Variants in C7 observed in about 807,000 individuals in gnomAD.
C7 encodes the protein complement component C7.
In C7, 83 loss-of-function variants were observed where a neutral mutation model predicts 104.8. That is an observed-to-expected ratio of 0.79 (90% CI 0.66 to 0.95). The LOEUF is 0.95. C7 is among the 40% of genes least tolerant of loss of function. C7 has a pLI of 0.00. For missense variants in C7, 1,070 were observed against 1,011.2 expected, an observed-to-expected ratio of 1.06 and a Z score of -0.79; for synonymous variants, 415 against 360.6, an observed-to-expected ratio of 1.15 and a Z score of -1.71.
chr5:40,971,610 T>C (rs1177114778), intron 14 of C7, among the ~76,000 whole-genome samples: 2 of 152,152 alleles, frequency 1.3e-5, no homozygotes, highest in Non-Finnish European at 2.9e-5. Flanking sequence ...ATTTGTCAAT[T>C]TTGGTTTTTG....
At chr5:40,963,029 C>A (rs142230965) in intron 13 of C7, among the ~76,000 whole-genome samples, 2 of 152,104 alleles carry the variant, frequency 1.3e-5, no homozygotes, top group Non-Finnish European at 2.9e-5. Context: ...TCTCTACCAC[C>A]CATTCTGTCC....
intron 1 of C7, among the ~76,000 whole-genome samples, chr5:40,915,501 G>C (rs1286427694): frequency 3.3e-5 from 5 of 152,192 alleles, no homozygotes; most frequent in Non-Finnish European, 1.5e-5. Context: ...GACTAGTAAA[G>C]CTGTGAGATA....
intron 7 of C7, among the ~76,000 whole-genome samples, chr5:40,946,935 G>A (rs1740061011): frequency 6.6e-6 from 1 of 151,614 alleles, no homozygotes; most frequent in African/African-American, 2.4e-5. Context: ...GTGCATGCCT[G>A]TAATCCCAGC....
chr5:40,938,079 A>T (rs1177579088), intron 6 of C7, among the ~76,000 whole-genome samples: 1 of 152,106 alleles, frequency 6.6e-6, no homozygotes, highest in Non-Finnish European at 1.5e-5. Flanking sequence ...GAACTATTTC[A>T]TATATACAAA....
chr5:40,960,668 T>G (rs954347487), intron 12 of C7, among the ~76,000 whole-genome samples: 34 of 152,250 alleles, frequency 2.2e-4, no homozygotes, highest in African/African-American at 7.7e-4. Context: ...AGGGGAAGTA[T>G]CATCTTTCTC....
chr5:40,914,043 G>T lies in C7; in HGVS notation c.6+4427G>T, dbSNP rs10072532. Among the ~76,000 whole-genome samples the T allele has an allele frequency of 7.4e-3, 1,130 of 152,130 alleles. 18 individuals are homozygous for T. The highest frequency in any genetic ancestry group is 0.026 in the African/African-American group (1,085 of 41,514). ...AGAGTCTTACTATGTTGCCTAGGCT[G>T]GTCTCAAACTTCTGGCTTCAAGCAA... On this transcript the variant is annotated intron_variant, in intron 1 of 17. Coordinates refer to ENST00000313164, the MANE Select transcript of C7 (RefSeq NM_000587.4).
At chr5:40,972,121 A>G in intron 14 of C7, 5 of 527,590 alleles carry the variant, frequency 9.5e-6, no homozygotes, top group South Asian at 8.5e-5. Context: ...TAGGCTGGGC[A>G]TTAGGACTCT....
intron 8 of C7, among the ~76,000 whole-genome samples, chr5:40,949,176 T>C (rs1214309202): frequency 2.0e-5 from 3 of 152,116 alleles, no homozygotes; most frequent in Non-Finnish European, 4.4e-5. Flanking sequence ...AATTTTACTC[T>C]TGAGCAGTTT....
intron 1 of C7, among the ~76,000 whole-genome samples, chr5:40,915,135 G>T (rs1025198727): frequency 1.3e-5 from 2 of 152,192 alleles, no homozygotes; most frequent in African/African-American, 4.8e-5. Flanking sequence ...AGAGTAGTAG[G>T]AAGACGTCCA....
At position 40,979,828 on chromosome 5, in the gene C7, C is replaced by T. The variant is rs1740903580; in HGVS notation, c.2269C>T (p.Leu757Phe). The stretch of plus-strand genomic sequence containing the variant: ...CCACTGTCAGGGTAGAAATTACACC[C>T]TTACTGGTAGGGACAGCTGTACTCT... ...VLHCQGRNYT[L>F]TGRDSCTLPA... The change falls in exon 17 of 18, where the codon CTT (leucine) becomes TTT (phenylalanine). Residue 757 changes from leucine (L) to phenylalanine (F), a missense_variant. Leu to Phe is a conservative substitution (Grantham distance 22). Coordinates refer to ENST00000313164, the MANE Select transcript of C7 (RefSeq NM_000587.4). 1 of 1,613,490 alleles carries T rather than the reference C, an allele frequency of 6.2e-7. No individual in the cohort carries two copies. Among genetic ancestry groups the T allele is most frequent in the Non-Finnish European group, 8.5e-7 (1 of 1,179,662 alleles).
At chr5:40,936,246 G>GT in intron 4 of C7, 92 bp from the exon 5 acceptor site, 1 of 1,084,404 alleles carries the variant, frequency 9.2e-7, no homozygotes, top group Non-Finnish European at 1.4e-6. Flanking sequence ...TCAGTGCAGT[G>GT]TTACAGGTAG....
chr5:40,984,058 G>T lies in C7; in HGVS notation c.*2485G>T, dbSNP rs138107886. Among the ~76,000 whole-genome samples the T allele has an allele frequency of 6.6e-6, 1 of 152,168 alleles. No individual in the cohort carries two copies. Reference sequence around the variant, plus strand: ...ATCATCGCTTACCACTCATGAGGACGCTACAAGTTACCTGGGCAGAGAAGG... The same window carrying T: ...ATCATCGCTTACCACTCATGAGGACTCTACAAGTTACCTGGGCAGAGAAGG... On this transcript the variant is annotated 3_prime_UTR_variant, in exon 18 of 18. Coordinates refer to ENST00000313164, the MANE Select transcript of C7 (RefSeq NM_000587.4).
At chr5:40,969,543 A>G (rs1267850274) in intron 14 of C7, among the ~76,000 whole-genome samples, 1 of 152,180 alleles carries the variant, frequency 6.6e-6, no homozygotes, top group Non-Finnish European at 1.5e-5. Context: ...ACTTTTGTTT[A>G]TGGCAACCAG....
At chr5:40,976,548 T>C in intron 15 of C7, 1 of 386,922 alleles carries the variant, frequency 2.6e-6, no homozygotes. Flanking sequence ...TTACTACCAA[T>C]GCAGTTATTT....
intron 2 of C7, among the ~76,000 whole-genome samples, chr5:40,930,141 T>C (rs1739646790): frequency 6.6e-6 from 1 of 152,092 alleles, no homozygotes; most frequent in Admixed American, 6.6e-5. Context: ...TATTGTACTA[T>C]GATTATTTGT....
At chr5:40,968,798 G>A (rs1173153017) in intron 14 of C7, among the ~76,000 whole-genome samples, 1 of 150,678 alleles carries the variant, frequency 6.6e-6, no homozygotes, top group Non-Finnish European at 1.5e-5. Context: ...TTTTAGTAGA[G>A]ACGGGGTTTC....
At chr5:40,942,951 G>A (rs888948611) in intron 6 of C7, among the ~76,000 whole-genome samples, 1 of 152,068 alleles carries the variant, frequency 6.6e-6, no homozygotes, top group Non-Finnish European at 1.5e-5. Context: ...TTTTAGTAGA[G>A]ATGGGTTTCA....
chr5:40,957,768 G>GTTTT (rs576860158), intron 10 of C7, among the ~76,000 whole-genome samples: 4 of 104,426 alleles, frequency 3.8e-5, no homozygotes, highest in African/African-American at 1.1e-4. Flanking sequence ...GTTTTTTTTT[G>GTTTT]TTTTTTTTTT....
Position 40,936,506 on chromosome 5 carries a change from C to T in C7, c.428+21C>T, listed in dbSNP as rs1044738112. The T allele has an allele frequency of 4.4e-6, 7 of 1,603,332 alleles. No homozygotes were observed. In the African/African-American group the frequency reaches 6.7e-5, roughly 15 times the overall value. The stretch of plus-strand genomic sequence containing the variant: ...AATGGGTAAGGTGCTGGGCAGCCTC[C>T]TGAGTACATCAGTGAATTGTAGTTT... On this transcript the variant is annotated intron_variant, in intron 5 of 17. Transcript: ENST00000313164.
Sources: allele counts gnomAD v4.1 joint callset (sites outside exome capture counted in the v4.1 genomes callset), GRCh38; gene constraint gnomAD v4.1.1; transcripts MANE v1.5; gene names NCBI Gene and HGNC (gene_info 2026-07-23, HGNC 2026-07-21).